The following HDAC9 variants were observed in gnomAD, a reference collection of about 807,000 sequenced individuals.
HDAC9 encodes MEF-2 interacting transcription repressor (MITR) protein.
Under a neutral mutation model 139.4 loss-of-function variants are expected in HDAC9, and 41 were observed. The ratio of observed to expected loss-of-function variants is 0.29; its 90% confidence interval spans 0.23 to 0.38. The LOEUF (loss-of-function observed/expected upper bound fraction) is 0.38. Ranked by LOEUF, HDAC9 falls within the 10% of genes least tolerant of loss-of-function variation. The pLI is 1.00. For missense variants in HDAC9, 1,147 were observed against 1,297.0 expected (o/e 0.88, Z 1.78); for synonymous variants, 517 against 476.2 (o/e 1.09, Z -1.12).
chr7:18,843,590 G>A (rs1796721192), intron 21 of HDAC9, among the ~76,000 whole-genome samples: 2 of 151,926 alleles, frequency 1.3e-5, no homozygotes, highest in Admixed American at 6.6e-5. Context: ...TCAATTAAAA[G>A]TTACTTATCC....
At chr7:18,424,397 T>C (rs978231084) in intron 1 of HDAC9, among the ~76,000 whole-genome samples, 12 of 152,230 alleles carry the variant, frequency 7.9e-5, no homozygotes, top group African/African-American at 2.9e-4. Context: ...ATCAGGATGC[T>C]ATGAAGATGA....
At chr7:18,371,504 G>C (rs796318338) in intron 1 of HDAC9, among the ~76,000 whole-genome samples, 4 of 151,914 alleles carry the variant, frequency 2.6e-5, no homozygotes, top group Admixed American at 1.3e-4. Flanking sequence ...GTCTATTTTG[G>C]TATCCATTAT....
chr7:18,687,273 G>A (rs1782341512), intron 12 of HDAC9, among the ~76,000 whole-genome samples: 1 of 151,718 alleles, frequency 6.6e-6, no homozygotes, highest in Non-Finnish European at 1.5e-5. Context: ...TAGTACAACC[G>A]ATTTAAGTAG....
chr7:18,992,280 A>C (rs1490430851), intron 25 of HDAC9, among the ~76,000 whole-genome samples: 4 of 152,222 alleles, frequency 2.6e-5, no homozygotes, highest in African/African-American at 9.6e-5. Context: ...TGAATAGTTA[A>C]AATGTGGTGG....
At chr7:18,838,253 A>G (rs1364120061) in intron 21 of HDAC9, among the ~76,000 whole-genome samples, 1 of 152,052 alleles carries the variant, frequency 6.6e-6, no homozygotes, top group Non-Finnish European at 1.5e-5. Context: ...AGGGATCATA[A>G]TATATGTCAT....
intron 2 of HDAC9, among the ~76,000 whole-genome samples, chr7:18,203,598 G>C (rs928657826): frequency 2.0e-5 from 3 of 152,126 alleles, no homozygotes; most frequent in African/African-American, 7.2e-5. Context: ...AATAATGAAG[G>C]AACAGTTTTG....
intron 17 of HDAC9, among the ~76,000 whole-genome samples, chr7:18,813,481 G>A (rs560854939): frequency 2.6e-5 from 4 of 151,942 alleles, no homozygotes; most frequent in African/African-American, 9.7e-5. Flanking sequence ...AATTTTATGG[G>A]TCATACTCAT....
chr7:18,296,677 G>GC (rs1165359430), intron 1 of HDAC9, among the ~76,000 whole-genome samples: 1 of 152,144 alleles, frequency 6.6e-6, no homozygotes, highest in African/African-American at 2.4e-5. Context: ...GGAAAGGAGA[G>GC]CCATGGAAAA....
At chr7:18,664,097 T>C (rs1794067469) in intron 11 of HDAC9, among the ~76,000 whole-genome samples, 1 of 152,158 alleles carries the variant, frequency 6.6e-6, no homozygotes. Flanking sequence ...AGGACTATAA[T>C]ATGGTCTCTT....
chr7:18,950,624 A>AT (rs2129321692), intron 23 of HDAC9, among the ~76,000 whole-genome samples: 1 of 152,178 alleles, frequency 6.6e-6, no homozygotes, highest in East Asian at 1.9e-4. Context: ...AGAGAGTGGG[A>AT]TAAAAATGAC....
chr7:18,884,424 A>G (rs1322375932), intron 22 of HDAC9, among the ~76,000 whole-genome samples: 7 of 152,162 alleles, frequency 4.6e-5, no homozygotes, highest in Non-Finnish European at 1.0e-4. Flanking sequence ...TTTGACAACG[A>G]TGGCGAGAAC....
intron 1 of HDAC9, among the ~76,000 whole-genome samples, chr7:18,118,951 C>T (rs888489335): frequency 6.6e-6 from 1 of 152,104 alleles, no homozygotes; most frequent in African/African-American, 2.4e-5. Context: ...CATGAGTACC[C>T]CATTTTTGTC....
chr7:18,916,421 A>G (rs758837404), intron 22 of HDAC9, among the ~76,000 whole-genome samples: 2 of 151,360 alleles, frequency 1.3e-5, no homozygotes, highest in Non-Finnish European at 2.9e-5. Context: ...GTTTTGCTCA[A>G]AATAATACAG....
intron 8 of HDAC9, among the ~76,000 whole-genome samples, chr7:18,638,914 A>G (rs1355466126): frequency 2.0e-5 from 3 of 151,962 alleles, no homozygotes; most frequent in Non-Finnish European, 4.4e-5. Context: ...TTACCTATCT[A>G]GTTACTTTAT....
intron 2 of HDAC9, among the ~76,000 whole-genome samples, chr7:18,580,317 T>C (rs1233898929): frequency 6.6e-6 from 1 of 152,090 alleles, no homozygotes; most frequent in Non-Finnish European, 1.5e-5. Flanking sequence ...TTATGAACAT[T>C]AAAAAGAAGG....
chr7:18,546,176 A>T (rs576397563), intron 2 of HDAC9, among the ~76,000 whole-genome samples: 1 of 152,206 alleles, frequency 6.6e-6, no homozygotes, highest in Admixed American at 6.5e-5. Flanking sequence ...TTGGAAAGAG[A>T]TGTTCTTTTT....
At chr7:18,351,730 A>G (rs1251191324) in intron 1 of HDAC9, among the ~76,000 whole-genome samples, 1 of 152,236 alleles carries the variant, frequency 6.6e-6, no homozygotes, top group African/African-American at 2.4e-5. Flanking sequence ...TGTGATTATT[A>G]AATGAGTTAG....
chr7:18,393,315 G>A (rs1786718226), intron 1 of HDAC9, among the ~76,000 whole-genome samples: 1 of 152,040 alleles, frequency 6.6e-6, no homozygotes, highest in Admixed American at 6.6e-5. Flanking sequence ...AATGTATTTT[G>A]GAGGAGAGAT....
chr7:18,601,296 C>T (rs2188322), intron 6 of HDAC9, among the ~76,000 whole-genome samples: 68,045 of 152,032 alleles, frequency 0.45, 16,583 homozygotes, highest in Middle Eastern at 0.6. Context: ...AGGAAAGCAG[C>T]TGACTTTTGT....
Sources: gnomAD v4.1 joint callset for allele counts (sites outside exome capture counted in the v4.1 genomes callset) on GRCh38, gnomAD v4.1.1 for gene constraint, MANE v1.5 for transcripts, NCBI Gene and HGNC (gene_info 2026-07-23, HGNC 2026-07-21) for gene names.